PSD3: variants seen among roughly 807,000 people sequenced by gnomAD.
PSD3 encodes the protein pleckstrin and Sec7 domain containing 3.
A neutral mutation model predicts 105.5 loss-of-function variants in PSD3; 49 were observed. That is an observed-to-expected ratio of 0.46 (90% CI 0.37 to 0.59). The LOEUF (loss-of-function observed/expected upper bound fraction) is 0.59, where lower values mean the gene tolerates loss of function less well. Ranked by LOEUF, PSD3 falls within the 20% of genes least tolerant of loss-of-function variation. PSD3 has a pLI of 0.00. For missense variants in PSD3, 1,561 were observed against 1,263.8 expected (o/e 1.24, Z -3.57); for synonymous variants, 557 against 457.8 (o/e 1.22, Z -2.77).
chr8:18,756,195 T>A (rs1489827200), intron 9 of PSD3, among the ~76,000 whole-genome samples: 1 of 151,996 alleles, frequency 6.6e-6, no homozygotes, highest in African/African-American at 2.4e-5. Flanking sequence ...TCACCTACTC[T>A]AGGCAACAGT....
At chr8:18,538,051 G>A (rs1345721186) in intron 15 of PSD3, among the ~76,000 whole-genome samples, 4 of 152,198 alleles carry the variant, frequency 2.6e-5, no homozygotes, top group Non-Finnish European at 5.9e-5. Flanking sequence ...TGGGCAGTAG[G>A]TATGAGGAAA....
chr8:18,589,086 T>C lies in PSD3; in HGVS notation c.2481+11278A>G, dbSNP rs542643943. Among the ~76,000 whole-genome samples the C allele has an allele frequency of 4.3e-4, 65 of 152,240 alleles. 1 individual carries two copies. The highest frequency in any genetic ancestry group is 1.2e-3 in the African/African-American group (49 of 41,536). ...ATATGTGAAATTTAATTTCAAAGGG[T>C]TCTTCCTTGCAGAGACAAAGGTAGC... On this transcript the variant is annotated intron_variant, in intron 12 of 15. Transcript: ENST00000327040.
intron 9 of PSD3, among the ~76,000 whole-genome samples, chr8:18,756,489 G>A (rs1224547170): frequency 2.0e-5 from 3 of 152,126 alleles, no homozygotes; most frequent in Admixed American, 2.0e-4. Context: ...GTCTAAACCA[G>A]TAAATACAAG....
intron 9 of PSD3, among the ~76,000 whole-genome samples, chr8:18,734,681 G>C (rs1341798666): frequency 1.3e-5 from 2 of 152,158 alleles, no homozygotes; most frequent in Non-Finnish European, 2.9e-5. Flanking sequence ...TACAGTGTTG[G>C]CTACTGTTTT....
intron 9 of PSD3, chr8:18,763,150 T>C (rs949793205): frequency 4.7e-6 from 2 of 424,716 alleles, no homozygotes. Context: ...AATCCAAATG[T>C]TACTTTTGAA....
intron 11 of PSD3, among the ~76,000 whole-genome samples, chr8:18,627,096 A>T (rs1024582893): frequency 6.6e-6 from 1 of 152,124 alleles, no homozygotes; most frequent in Non-Finnish European, 1.5e-5. Flanking sequence ...AACTTTTTAG[A>T]CATTTCAAAA....
intron 14 of PSD3, among the ~76,000 whole-genome samples, chr8:18,571,294 T>A (rs1802121902): frequency 6.6e-6 from 1 of 152,176 alleles, no homozygotes; most frequent in Non-Finnish European, 1.5e-5. Context: ...CTCAACACTG[T>A]GCTCATGTCA....
At chr8:18,595,235 C>A (rs1255611021) in intron 12 of PSD3, among the ~76,000 whole-genome samples, 5 of 135,382 alleles carry the variant, frequency 3.7e-5, no homozygotes, top group Non-Finnish European at 6.6e-5. Context: ...ACAAAAAAAA[C>A]CCTAAAAGAT....
chr8:19,077,103 T>C (rs375892478), intron 1 of PSD3, among the ~76,000 whole-genome samples: 30 of 152,314 alleles, frequency 2.0e-4, no homozygotes, highest in African/African-American at 7.2e-4. Flanking sequence ...TGAGTCTATG[T>C]TAACAAAGTC....
intron 2 of PSD3, among the ~76,000 whole-genome samples, chr8:18,898,689 A>C (rs545636315): frequency 1.3e-5 from 2 of 152,300 alleles, no homozygotes; most frequent in East Asian, 1.9e-4. Context: ...TTTATAATAA[A>C]CTAGAGAAAA....
intron 1 of PSD3, among the ~76,000 whole-genome samples, chr8:18,968,608 G>A (rs1824432773): frequency 6.6e-6 from 1 of 152,192 alleles, no homozygotes; most frequent in Non-Finnish European, 1.5e-5. Context: ...CAGGTGTGGT[G>A]GCTCACGCCT....
intron 1 of PSD3, among the ~76,000 whole-genome samples, chr8:19,011,356 A>C (rs1826940951): frequency 6.6e-6 from 1 of 152,202 alleles, no homozygotes; most frequent in Non-Finnish European, 1.5e-5. Flanking sequence ...AATCACCTCC[A>C]AAAGTAGTAG....
At chr8:18,589,598 T>A (rs927024525) in intron 12 of PSD3, among the ~76,000 whole-genome samples, 2 of 152,104 alleles carry the variant, frequency 1.3e-5, no homozygotes, top group Non-Finnish European at 2.9e-5. Context: ...ATTATAAAAA[T>A]GTTGTTTACA....
chr8:18,783,503 T>C (rs1299337309), intron 8 of PSD3, among the ~76,000 whole-genome samples: 1 of 152,242 alleles, frequency 6.6e-6, no homozygotes, highest in Non-Finnish European at 1.5e-5. Flanking sequence ...CTGAGTTTGC[T>C]TTTGTTTCTT....
intron 10 of PSD3, among the ~76,000 whole-genome samples, chr8:18,643,022 G>A (rs1807766368): frequency 1.3e-5 from 2 of 152,204 alleles, no homozygotes; most frequent in Admixed American, 6.5e-5. Context: ...ATATGAGAGA[G>A]CTGTCCTAGT....
intron 1 of PSD3, among the ~76,000 whole-genome samples, chr8:19,054,656 T>C (rs1467593255): frequency 6.6e-6 from 1 of 152,228 alleles, no homozygotes; most frequent in Admixed American, 6.5e-5. Flanking sequence ...GAATTCATAT[T>C]TTTGGTAAAC....
At chr8:18,643,538 C>T (rs555130203) in intron 10 of PSD3, among the ~76,000 whole-genome samples, 1 of 152,310 alleles carries the variant, frequency 6.6e-6, no homozygotes, top group African/African-American at 2.4e-5. Flanking sequence ...AAGTTATCTA[C>T]TTCAAATACT....
At chr8:19,013,734 G>A (rs1827067491), upstream of PSD3, 2 of 498,284 alleles carry the variant, frequency 4.0e-6, no homozygotes, top group South Asian at 1.9e-4. Flanking sequence ...CACCCTGGCG[G>A]AGGCTGGCGA....
chr8:18,541,910 G>A (rs1477287588), intron 15 of PSD3, among the ~76,000 whole-genome samples: 4 of 151,820 alleles, frequency 2.6e-5, no homozygotes, highest in Non-Finnish European at 4.4e-5. Flanking sequence ...GCGCCACCAC[G>A]CCTGGCTGAT....
Sources: gnomAD v4.1 joint callset for allele counts (sites outside exome capture counted in the v4.1 genomes callset) on GRCh38, gnomAD v4.1.1 for gene constraint, MANE v1.5 for transcripts, NCBI Gene and HGNC (gene_info 2026-07-23, HGNC 2026-07-21) for gene names.